The following MYO18B variants were observed in gnomAD, a reference collection of about 807,000 sequenced individuals.
The protein encoded by MYO18B is unconventional myosin-XVIIIb.
A neutral mutation model predicts 273.0 loss-of-function variants in MYO18B; 204 were observed. That is an observed-to-expected ratio of 0.75 (90% confidence interval 0.67 to 0.84). The LOEUF is 0.84. Ranked by LOEUF, MYO18B falls within the 40% of genes least tolerant of loss-of-function variation. MYO18B has a pLI of 0.00. For synonymous variants in MYO18B, 1,330 were observed against 1,305.7 expected (o/e 1.02, Z -0.40); for missense variants, 3,212 against 3,287.6 (o/e 0.98, Z 0.56).
rs376264620 is a variant in MYO18B at position 25,878,007 on chromosome 22, C to A, written c.4273C>A (p.Arg1425=). The change falls in exon 25 of 44, where the codon CGG becomes AGG. Residue 1425 remains arginine (R), a synonymous_variant. Transcript: ENST00000335473. The part of the protein sequence containing the change: ...RRKLEKSEKL[R]NELRQNTDLL... Reference sequence around the variant, plus strand: ...GAAGCTAGAAAAATCAGAGAAGTTGCGGAATGAACTCCGGCAGAACACAGA... The same window carrying A: ...GAAGCTAGAAAAATCAGAGAAGTTGAGGAATGAACTCCGGCAGAACACAGA... The A allele has an allele frequency of 1.0e-5, 16 of 1,584,574 alleles. No homozygotes were observed. Among genetic ancestry groups the A allele is most frequent in the South Asian group, 2.3e-5 (2 of 86,114 alleles).
chr22:25,964,336 T>G (rs888713982), intron 39 of MYO18B: 1 of 152,156 alleles, frequency 6.6e-6, no homozygotes, highest in African/African-American at 2.4e-5. Context: ...TTAAAGAAAC[T>G]AAAATCCAGA....
Position 25,847,507 on chromosome 22 carries a change from C to T in MYO18B, c.3630C>T (p.Ser1210=), listed in dbSNP as rs117048307. Residue 1210 remains serine (S), a synonymous_variant, in exon 20 of 44, where the codon AGC becomes AGT. Transcript: ENST00000335473. The part of the protein sequence containing the change: ...HCLVPNPVVE[S]RSGQESPPPP... ...TGGTACCAAACCCTGTGGTGGAAAGCAGGAGTGGGCAGGAATCTCCACCAC... is the reference window on the plus strand; with the variant it reads ...TGGTACCAAACCCTGTGGTGGAAAGTAGGAGTGGGCAGGAATCTCCACCAC... 20,744 of 1,578,040 alleles carry T rather than the reference C, an allele frequency of 0.013. 151 individuals carry two copies. Among genetic ancestry groups the T allele is most frequent in the Non-Finnish European group, 0.016 (19,069 of 1,161,724 alleles).
At chr22:25,802,966 C>CA (rs2088286351) in intron 12 of MYO18B, among the ~76,000 whole-genome samples, 1 of 134,948 alleles carries the variant, frequency 7.4e-6, no homozygotes, top group Non-Finnish European at 1.6e-5. Flanking sequence ...TTTTTTCTTT[C>CA]TTTTTTTTTT....
chr22:25,973,122 A>G (rs754068873), intron 39 of MYO18B, among the ~76,000 whole-genome samples: 7 of 152,170 alleles, frequency 4.6e-5, no homozygotes, highest in Non-Finnish European at 8.8e-5. Context: ...ATTGTTAAGC[A>G]TCACTTTCTT....
intron 31 of MYO18B, among the ~76,000 whole-genome samples, chr22:25,906,813 C>T (rs1364409333): frequency 1.3e-5 from 2 of 152,088 alleles, no homozygotes; most frequent in Non-Finnish European, 2.9e-5. Flanking sequence ...GGAGCAGTCA[C>T]GTATAAAACC....
At chr22:26,023,105 C>T (rs1452173497) in intron 42 of MYO18B, among the ~76,000 whole-genome samples, 1 of 152,226 alleles carries the variant, frequency 6.6e-6, no homozygotes, top group African/African-American at 2.4e-5. Context: ...TTGCCTAAGT[C>T]TCCTTCCTTC....
chr22:25,974,865 G>A (rs1213528161), intron 39 of MYO18B, among the ~76,000 whole-genome samples: 1 of 152,138 alleles, frequency 6.6e-6, no homozygotes, highest in Non-Finnish European at 1.5e-5. Flanking sequence ...TCTGTCCCAG[G>A]GCAGTGTCTG....
At chr22:25,937,726 C>T (rs1001253878) in intron 34 of MYO18B, among the ~76,000 whole-genome samples, 1 of 151,918 alleles carries the variant, frequency 6.6e-6, no homozygotes, top group African/African-American at 2.4e-5. Flanking sequence ...GCTGGGATTA[C>T]AGGCATGCAC....
At chr22:25,821,147 G>A (rs1211988433) in intron 12 of MYO18B, among the ~76,000 whole-genome samples, 1 of 152,204 alleles carries the variant, frequency 6.6e-6, no homozygotes, top group African/African-American at 2.4e-5. Context: ...GGGTACAGAT[G>A]TCTCTTTGAT....
intron 25 of MYO18B, among the ~76,000 whole-genome samples, chr22:25,889,142 T>C (rs1010044050): frequency 1.3e-5 from 2 of 151,396 alleles, no homozygotes; most frequent in African/African-American, 4.9e-5. Flanking sequence ...GAAATTTGCC[T>C]TTTTTTCCCC....
chr22:25,800,015 T>C (rs1331250222), intron 12 of MYO18B, among the ~76,000 whole-genome samples: 1 of 151,882 alleles, frequency 6.6e-6, no homozygotes, highest in Admixed American at 6.6e-5. Flanking sequence ...GCCATAAAGA[T>C]GAGATGAAAT....
chr22:25,892,826 G>A (rs1245089834), intron 27 of MYO18B, among the ~76,000 whole-genome samples: 3 of 152,220 alleles, frequency 2.0e-5, no homozygotes, highest in Non-Finnish European at 4.4e-5. Flanking sequence ...AAAATCAGTA[G>A]TGTGGGACAG....
At chr22:25,947,533 CACACACACA>C (rs1569223355) in intron 35 of MYO18B, among the ~76,000 whole-genome samples, 170 bp from the exon 36 acceptor site, 52 of 145,496 alleles carry the variant, frequency 3.6e-4, no homozygotes, top group African/African-American at 1.3e-3. Flanking sequence ...CACACACACA[CACACACACA>C]CCAAGCTGTT....
In MYO18B at chr22:25,823,584, C is replaced by T. The variant is rs755619559; in HGVS notation, c.2601C>T (p.Asn867=). Residue 867 remains asparagine (N), a synonymous_variant, in exon 13 of 44, where the codon AAC becomes AAT. Coordinates refer to ENST00000335473, the MANE Select transcript of MYO18B (RefSeq NM_032608.7). Reference sequence around the variant, plus strand: ...TGGGCTGCGAGTATGAGGAGCTGAACACGGCCACCTTCAAGCACCACCTTC... The same window carrying T: ...TGGGCTGCGAGTATGAGGAGCTGAATACGGCCACCTTCAAGCACCACCTTC... The part of the protein sequence containing the change: ...EALGCEYEEL[N]TATFKHHLRQ... The T allele has an allele frequency of 6.2e-7, 1 of 1,613,962 alleles. No individual in the cohort carries two copies. Among genetic ancestry groups the T allele is most frequent in the Non-Finnish European group, 8.5e-7 (1 of 1,179,886 alleles).
At position 25,768,286 on chromosome 22, in the gene MYO18B, A is replaced by G. The variant is rs775368624; in HGVS notation, c.370A>G (p.Asn124Asp). 2 of 1,613,950 alleles carry G rather than the reference A, an allele frequency of 1.2e-6. No homozygotes were observed. The highest frequency in any genetic ancestry group is 1.1e-5 in the South Asian group (1 of 91,062). ...SPDPEQMTSI[N>D]GEKAQELGSS... ...CGACCCTGAGCAGATGACAAGCATC[A>G]ATGGTGAGAAGGCCCAGGAGCTGGG... The change falls in exon 4 of 44, where the codon AAT (asparagine) becomes GAT (aspartate). Residue 124 changes from asparagine (N) to aspartate (D), a missense_variant. Asn to Asp is a conservative substitution (Grantham distance 23). Transcript: ENST00000335473.
chr22:25,940,703 G>A lies in MYO18B; in HGVS notation c.5518-5434G>A, dbSNP rs546374548. Reference sequence around the variant, plus strand: ...CTCCCATTCTTTGACCCTAGATGGAGCTCATCTCATCTTACCCCTGTGAAC... The same window carrying A: ...CTCCCATTCTTTGACCCTAGATGGAACTCATCTCATCTTACCCCTGTGAAC... On this transcript the variant is annotated intron_variant, in intron 34 of 43. Transcript: ENST00000335473. Among the ~76,000 whole-genome samples, 14 of 152,252 alleles carry A rather than the reference G, an allele frequency of 9.2e-5. No individual in the cohort carries two copies. In the East Asian group the frequency reaches 2.5e-3, roughly 27 times the overall value.
rs748627624 is a variant in MYO18B at position 25,955,809 on chromosome 22, G to A, written c.6156+445G>A. Among the ~76,000 whole-genome samples, 45 of 152,086 alleles carry A rather than the reference G, an allele frequency of 3.0e-4. 1 individual carries two copies. Among genetic ancestry groups the A allele is most frequent in the African/African-American group, 2.7e-4 (11 of 41,394 alleles). Reference sequence around the variant, plus strand: ...TTATTGCCCCCATTTCACAGATGAGGACAAACCGAGCCTTCCAGAAGGGGA... The same window carrying A: ...TTATTGCCCCCATTTCACAGATGAGAACAAACCGAGCCTTCCAGAAGGGGA... On this transcript the variant is annotated intron_variant, in intron 39 of 43. Transcript: ENST00000335473.
At chr22:25,979,804 C>T (rs2093130975) in intron 39 of MYO18B, among the ~76,000 whole-genome samples, 1 of 152,100 alleles carries the variant, frequency 6.6e-6, no homozygotes, top group Admixed American at 6.5e-5. Context: ...CTTTCCCTTC[C>T]CCTTCTCCAT....
chr22:26,046,207 C>CA, the MYO18B span, among the ~76,000 whole-genome samples: 10 of 151,998 alleles, frequency 6.6e-5, no homozygotes, highest in Admixed American at 2.6e-4. Flanking sequence ...CAGCAACTGT[C>CA]AAAAAAACCT....
Sources: allele counts gnomAD v4.1 joint callset (sites outside exome capture counted in the v4.1 genomes callset), GRCh38; gene constraint gnomAD v4.1.1; transcripts MANE v1.5; gene names NCBI Gene and HGNC (gene_info 2026-07-23, HGNC 2026-07-21).